The following NUDT13 variants were observed in gnomAD, a reference collection of about 807,000 sequenced individuals.
The protein encoded by NUDT13 is nudix hydrolase 13, also known as NAD(P)H pyrophosphatase NUDT13, mitochondrial.
A neutral mutation model predicts 41.7 loss-of-function variants in NUDT13; 40 were observed. That is an observed-to-expected ratio of 0.96 (90% confidence interval 0.75 to 1.25). The LOEUF (loss-of-function observed/expected upper bound fraction) is 1.25. NUDT13 is among the 50% of genes most tolerant of loss of function. The pLI is 0.00. For synonymous variants in NUDT13, 145 were observed against 155.5 expected (o/e 0.93, Z 0.50); for missense variants, 390 against 416.1 (o/e 0.94, Z 0.55).
intron 3 of NUDT13, among the ~76,000 whole-genome samples, chr10:73,121,578 C>G (rs576089319): frequency 1.3e-5 from 2 of 152,176 alleles, no homozygotes; most frequent in African/African-American, 4.8e-5. Context: ...ATTTTACTCT[C>G]GTCCACAAAA....
Position 73,114,347 on chromosome 10 carries a change from T to C in NUDT13, c.-9-10T>C. 6.9e-7 allele frequency: 1 copy of C among 1,441,242 alleles called. No individual in the cohort carries two copies. Among genetic ancestry groups the C allele is most frequent in the Non-Finnish European group, 9.4e-7 (1 of 1,058,738 alleles). 89.3% of individuals were successfully genotyped at this position (1,441,242 alleles called of 1,614,324 possible). On this transcript the variant is annotated splice_polypyrimidine_tract_variant and intron_variant, in intron 1 of 8. Transcript: ENST00000357321. ...GACTTTTTTTAAAACTCCTTTTTTT[T>C]TTTTTTAAGGACCTGACAATGTCCC...
At chr10:73,127,108 C>T (rs948820724) in intron 8 of NUDT13, among the ~76,000 whole-genome samples, 6 of 151,708 alleles carry the variant, frequency 4.0e-5, no homozygotes, top group South Asian at 2.1e-4. Flanking sequence ...AGGCCGGGTG[C>T]GATGGCTCAT....
intron 8 of NUDT13, among the ~76,000 whole-genome samples, chr10:73,127,203 A>C (rs373318562): frequency 2.6e-5 from 4 of 152,024 alleles, no homozygotes; most frequent in African/African-American, 9.7e-5. Context: ...AGATAGTGAA[A>C]CCTCATTTCA....
Position 73,125,162 on chromosome 10 carries a change from C to G in NUDT13, c.510C>G (p.Ser170Arg). 1 of 1,613,432 alleles carries G rather than the reference C, an allele frequency of 6.2e-7. No individual in the cohort carries two copies. The highest frequency in any genetic ancestry group is 8.5e-7 in the Non-Finnish European group (1 of 1,179,842). Residue 170 changes from serine (S) to arginine (R), a missense_variant, in exon 6 of 9, where the codon AGC (serine) becomes AGG (arginine). Coordinates refer to ENST00000357321, the MANE Select transcript of NUDT13 (RefSeq NM_015901.6). ...GGCATGATGCTCATCAGTTCTGCAG[C>G]AGAAGTGGGCAGCCCACCAAGAAGA... ...LRWHDAHQFC[S>R]RSGQPTKKNV...
At chr10:73,117,453 AG>A (rs1421712852) in intron 2 of NUDT13, among the ~76,000 whole-genome samples, 1 of 150,676 alleles carries the variant, frequency 6.6e-6, no homozygotes, top group Non-Finnish European at 1.5e-5. Flanking sequence ...GCTACTTGGG[AG>A]GCTGAGGCAA....
chr10:73,123,486 C>T (rs905136841), intron 4 of NUDT13, among the ~76,000 whole-genome samples: 7 of 152,094 alleles, frequency 4.6e-5, no homozygotes, highest in Admixed American at 4.6e-4. Flanking sequence ...ATGTTCTTGC[C>T]CCGAAGAAGA....
intron 8 of NUDT13, among the ~76,000 whole-genome samples, chr10:73,128,740 A>G (rs1842847793): frequency 6.6e-6 from 1 of 152,148 alleles, no homozygotes; most frequent in South Asian, 2.1e-4. Flanking sequence ...CTTTAGTTTG[A>G]TAGAATCCCT....
In NUDT13 at chr10:73,124,307, C is replaced by T; in HGVS notation, c.452C>T (p.Ser151Phe). Residue 151 changes from serine to phenylalanine, a missense_variant, in exon 5 of 9, where the codon TCC (serine) becomes TTC (phenylalanine). By Grantham distance (155) the Ser-to-Phe change is radical (BLOSUM62 -2). Transcript: ENST00000357321. ...ALFQLNARDA[S>F]LLSTAQALLR... The stretch of plus-strand genomic sequence containing the variant: ...TTTCAACTCAATGCAAGGGATGCCT[C>T]CTTGCTGTCCACGGTAGATTCTGAT... 1 of 1,609,654 alleles carries T rather than the reference C, an allele frequency of 6.2e-7. No homozygotes were observed.
rs539993032 is a variant in NUDT13 at position 73,114,239 on chromosome 10, C to T, written c.-9-118C>T. The T allele has an allele frequency of 1.4e-5, 6 of 414,224 alleles. No homozygotes were observed. The South Asian group carries it at 2.7e-4, about 18-fold the overall frequency. 25.7% of individuals were successfully genotyped at this position (414,224 alleles called of 1,614,324 possible). On this transcript the variant is annotated intron_variant, in intron 1 of 8. Transcript: ENST00000357321. ...ATCACCTGACTCCTATTGAGTTTGT[C>T]TTTCCTTAATATTACAGAGTGATCC...
chr10:73,124,148 A>C (rs999840157), intron 4 of NUDT13, 66 bp from the exon 5 acceptor site: 2 of 1,072,272 alleles, frequency 1.9e-6, no homozygotes, highest in Non-Finnish European at 2.9e-6. Flanking sequence ...AACAGGATAG[A>C]CTGGAGAGAG....
chr10:73,121,047 A>C (rs1265015546), intron 3 of NUDT13, among the ~76,000 whole-genome samples: 1 of 151,972 alleles, frequency 6.6e-6, no homozygotes, highest in Non-Finnish European at 1.5e-5. Context: ...TATTTAACTA[A>C]AGATATCTAA....
Position 73,124,254 on chromosome 10 carries a change from G to A in NUDT13, c.399G>A (p.Gly133=). The change falls in exon 5 of 9, where the codon GGG becomes GGA. Residue 133 remains glycine (G), a synonymous_variant. Transcript: ENST00000357321. ...HKPEMETELK[G]SFIELRKALF... is the part of the protein sequence containing the mutation. ...CTGAAATGGAGACAGAGCTCAAGGG[G>A]TCTTTCATTGAGCTGAGAAAGGCAC... The A allele has an allele frequency of 6.2e-7, 1 of 1,613,130 alleles. No individual in the cohort carries two copies. The highest frequency in any genetic ancestry group is 8.5e-7 in the Non-Finnish European group (1 of 1,179,670).
intron 2 of NUDT13, among the ~76,000 whole-genome samples, chr10:73,117,491 AG>A (rs1198962451): frequency 6.6e-6 from 1 of 150,470 alleles, no homozygotes; most frequent in Non-Finnish European, 1.5e-5. Context: ...CGGGAGGCAG[AG>A]GTTACAGTGA....
intron 4 of NUDT13, 34 bp from the exon 5 acceptor site, chr10:73,124,180 T>G: frequency 6.9e-7 from 1 of 1,457,050 alleles, no homozygotes. Flanking sequence ...AAGTTTGTCA[T>G]TGTTTAATTT....
rs1329279527 is a variant in NUDT13, at chr10:73,117,031, C to T, written c.83+2583C>T. Reference sequence around the variant, plus strand: ...CTCCTGAGTAGCTGGGACTAAGGCACACGCCACCACGCCCAGCTAATTTTT... The same window carrying T: ...CTCCTGAGTAGCTGGGACTAAGGCATACGCCACCACGCCCAGCTAATTTTT... On this transcript the variant is annotated intron_variant, in intron 2 of 8. Coordinates refer to ENST00000357321, the MANE Select transcript of NUDT13 (RefSeq NM_015901.6). Among the ~76,000 whole-genome samples the T allele has an allele frequency of 1.3e-5, 2 of 150,382 alleles. 1 individual carries two copies. Among genetic ancestry groups the T allele is most frequent in the Admixed American group, 1.3e-4 (2 of 15,128 alleles).
chr10:73,130,593 A>C, intron 8 of NUDT13, 110 bp from the exon 9 acceptor site: 2 of 872,048 alleles, frequency 2.3e-6, no homozygotes, highest in Non-Finnish European at 1.8e-6. Context: ...GATCCCAGGT[A>C]TTATCTTCTA....
At position 73,117,099 on chromosome 10, in the gene NUDT13, G is replaced by C. The variant is rs193128913; in HGVS notation, c.83+2651G>C. Among the ~76,000 whole-genome samples, 278 of 150,108 alleles carry C rather than the reference G, an allele frequency of 1.9e-3. 3 individuals are homozygous for C. The highest frequency in any genetic ancestry group is 6.4e-3 in the African/African-American group (263 of 40,852). Reference sequence around the variant, plus strand: ...GGGGTTTCACCATGTTGGCCAGGATGGTCTGGATCTCTTGACCTTGTGATC... The same window carrying C: ...GGGGTTTCACCATGTTGGCCAGGATCGTCTGGATCTCTTGACCTTGTGATC... On this transcript the variant is annotated intron_variant, in intron 2 of 8. Transcript: ENST00000357321.
chr10:73,125,502 T>C lies in NUDT13; in HGVS notation c.696T>C (p.Cys232=). Residue 232 remains cysteine, a synonymous_variant, in exon 7 of 9, where the codon TGT becomes TGC. Transcript: ENST00000357321. ...TGTATTCTGCCTTGGCAGGTTTTTG[T>C]GATATAGGTGAGGAGTTTAGGGGAT... ...KGMYSALAGF[C]DIGESVEETI... The C allele has an allele frequency of 1.3e-6, 2 of 1,588,962 alleles. No homozygotes were observed. Among genetic ancestry groups the C allele is most frequent in the Non-Finnish European group, 1.7e-6 (2 of 1,167,076 alleles).
rs1188116455 is a variant in NUDT13, at chr10:73,120,309, AC to A, written c.223+153del. ...CATGCTTGTATAACTGCTTCTGCCA[AC>A]TAATAATTTATTGTATGAACTCTAG... is the stretch of plus-strand genomic sequence containing the variant. On this transcript the variant is annotated intron_variant, in intron 3 of 8. Transcript: ENST00000357321. 3 of 646,608 alleles carry A rather than the reference AC, an allele frequency of 4.6e-6. No individual in the cohort carries two copies. In the African/African-American group the frequency reaches 5.5e-5, roughly 12 times the overall value. 40.1% of individuals were successfully genotyped at this position (646,608 alleles called of 1,614,324 possible).
Sources: allele counts gnomAD v4.1 joint callset (sites outside exome capture counted in the v4.1 genomes callset), GRCh38; gene constraint gnomAD v4.1.1; transcripts MANE v1.5; gene names NCBI Gene and HGNC (gene_info 2026-07-23, HGNC 2026-07-21).